Variants in CDH11 observed in about 807,000 individuals in gnomAD.
The protein encoded by CDH11 is cadherin-11.
A neutral mutation model predicts 67.8 loss-of-function variants in CDH11; 11 were observed. The ratio of observed to expected loss-of-function variants is 0.16; its 90% CI spans 0.10 to 0.27. The LOEUF is 0.27. Ranked by LOEUF, CDH11 falls within the 10% of genes least tolerant of loss-of-function variation. The probability of loss-of-function intolerance (pLI) is 1.00; values close to 1 mark genes in which losing one functional copy is unlikely to be tolerated. For missense variants in CDH11, 847 were observed against 1,031.2 expected, an observed-to-expected ratio of 0.82 and a Z score of 2.45; for synonymous variants, 419 against 400.0, an observed-to-expected ratio of 1.05 and a Z score of -0.57.
intron 5 of CDH11, 101 bp downstream of exon 5, chr16:64,992,814 C>T: frequency 8.4e-7 from 1 of 1,192,700 alleles, no homozygotes; most frequent in Non-Finnish European, 1.2e-6. Context: ...CTCTGTATTC[C>T]TTTTTCATAT....
At chr16:65,057,296 C>G (rs1021770755) in intron 1 of CDH11, among the ~76,000 whole-genome samples, 2 of 152,178 alleles carry the variant, frequency 1.3e-5, no homozygotes, top group African/African-American at 4.8e-5. Flanking sequence ...TTCCTACCTA[C>G]TCTCGGGACT....
intron 2 of CDH11, among the ~76,000 whole-genome samples, chr16:65,014,164 A>T (rs1033259261): frequency 6.6e-6 from 1 of 152,224 alleles, no homozygotes; most frequent in African/African-American, 2.4e-5. Context: ...CTGTCTATTA[A>T]GGAGAAACAA....
At chr16:64,980,977 C>G (rs1402083858) in intron 8 of CDH11, 1 of 152,196 alleles carries the variant, frequency 6.6e-6, no homozygotes, top group African/African-American at 2.4e-5. Flanking sequence ...GATTCAAGCC[C>G]CTTCTCCACC....
At chr16:65,095,191 T>C (rs920751948) in intron 1 of CDH11, among the ~76,000 whole-genome samples, 1 of 152,052 alleles carries the variant, frequency 6.6e-6, no homozygotes, top group Non-Finnish European at 1.5e-5. Flanking sequence ...ATTGTGTCTC[T>C]GAATGAATCA....
intron 11 of CDH11, among the ~76,000 whole-genome samples, chr16:64,958,643 T>G (rs16968237): frequency 1.3e-5 from 2 of 152,028 alleles, no homozygotes; most frequent in African/African-American, 4.8e-5. Context: ...CTAGGTTTCA[T>G]TGAATTTTAT....
In CDH11 at chr16:64,992,086, C is replaced by T. The variant is rs1484363595; in HGVS notation, c.644-151G>A. The stretch of plus-strand genomic sequence containing the variant: ...CATGGTAATTACAACCAAAGGCAGC[C>T]ATACTGAAGCATCATTATGTCTTTT... On this transcript the variant is annotated intron_variant, in intron 5 of 12. Coordinates refer to ENST00000268603, the MANE Select transcript of CDH11 (RefSeq NM_001797.4). The T allele has an allele frequency of 9.7e-6, 5 of 515,820 alleles. No homozygotes were observed. The Admixed American group carries it at 1.3e-4, about 13-fold the overall frequency. 32.0% of individuals were successfully genotyped at this position (515,820 alleles called of 1,614,324 possible). A position where few individuals can be genotyped will look rare whatever the true frequency, so the allele number is the denominator to read the frequency against.
Position 65,045,329 on chromosome 16 carries a change from GTATATATATA to G in CDH11, c.-173+8465_-173+8474del, listed in dbSNP as rs57695452. Among the ~76,000 whole-genome samples the G allele has an allele frequency of 6.6e-3, 417 of 63,280 alleles. 9 individuals carry two copies. Among genetic ancestry groups the G allele is most frequent in the African/African-American group, 0.014 (215 of 15,824 alleles). The allele number at this position is 63,280 out of a possible 152,430, so 41.5% of individuals were successfully genotyped here. A position where few individuals can be genotyped will look rare whatever the true frequency, so the allele number is the denominator to read the frequency against. The stretch of plus-strand genomic sequence containing the variant: ...TTTTAAAAATTTGTTTCCCTCAAAA[GTATATATATA>G]TATATATATATATATATATATATAT... On this transcript the variant is annotated intron_variant, in intron 2 of 12. Transcript: ENST00000268603.
intron 2 of CDH11, among the ~76,000 whole-genome samples, chr16:65,052,246 C>G (rs892678237): frequency 1.3e-5 from 2 of 152,046 alleles, no homozygotes; most frequent in Non-Finnish European, 2.9e-5. Flanking sequence ...ACAGTGGTCC[C>G]AAATAAGTCC....
chr16:64,955,755 G>GA (rs202157568), intron 11 of CDH11, among the ~76,000 whole-genome samples: 1,552 of 151,114 alleles, frequency 0.01, 24 homozygotes, highest in African/African-American at 0.035. Context: ...TAAAAAGAAG[G>GA]AAAAAAAATA....
intron 11 of CDH11, among the ~76,000 whole-genome samples, chr16:64,963,521 A>C (rs2071728539): frequency 6.6e-6 from 1 of 152,204 alleles, no homozygotes; most frequent in Non-Finnish European, 1.5e-5. Context: ...AGAAAGAAAC[A>C]GAAGAACTAT....
At chr16:65,004,058 T>C (rs1188462332) in intron 3 of CDH11, among the ~76,000 whole-genome samples, 2 of 152,188 alleles carry the variant, frequency 1.3e-5, no homozygotes, top group Non-Finnish European at 2.9e-5. Flanking sequence ...TAATGGGCTA[T>C]TATGCAGCCA....
chr16:65,058,671 A>AT lies in CDH11; in HGVS notation c.-297-4744dup, dbSNP rs149570107. Among the ~76,000 whole-genome samples the AT allele has an allele frequency of 6.6e-3, 1,006 of 152,142 alleles. 13 individuals are homozygous for AT. Among genetic ancestry groups the AT allele is most frequent in the African/African-American group, 0.022 (931 of 41,492 alleles). ...TCGTAAGCTAGGATTGTAGATCATGATTTTTTTTGTAAAAAATTGGGAGAA... is the reference window on the plus strand; with the variant it reads ...TCGTAAGCTAGGATTGTAGATCATGATTTTTTTTTGTAAAAAATTGGGAGAA... On this transcript the variant is annotated intron_variant, in intron 1 of 12. Transcript: ENST00000268603.
At chr16:64,988,596 T>G (rs1386284964) in intron 6 of CDH11, among the ~76,000 whole-genome samples, 1 of 152,114 alleles carries the variant, frequency 6.6e-6, no homozygotes, top group Non-Finnish European at 1.5e-5. Context: ...CTGCCACATG[T>G]AAGGGAGAAA....
At chr16:65,018,013 T>C (rs1262316110) in intron 2 of CDH11, among the ~76,000 whole-genome samples, 5 of 152,226 alleles carry the variant, frequency 3.3e-5, no homozygotes, top group Non-Finnish European at 7.3e-5. Context: ...GAAAGAATAA[T>C]TATTTGCCAT....
intron 7 of CDH11, chr16:64,982,516 C>G: frequency 1.8e-6 from 1 of 543,624 alleles, no homozygotes; most frequent in South Asian, 2.6e-5. Flanking sequence ...AAGAGCACAA[C>G]AGACACAGAA....
chr16:64,969,941 T>C (rs1373478324), intron 11 of CDH11, among the ~76,000 whole-genome samples: 1 of 152,178 alleles, frequency 6.6e-6, no homozygotes, highest in Non-Finnish European at 1.5e-5. Context: ...AATTATCTCT[T>C]TCAGAGACTT....
At chr16:65,086,693 A>G (rs987021235) in intron 1 of CDH11, among the ~76,000 whole-genome samples, 1 of 152,220 alleles carries the variant, frequency 6.6e-6, no homozygotes, top group Non-Finnish European at 1.5e-5. Context: ...CCCCAGTTAC[A>G]GAAGGCCAGG....
intron 6 of CDH11, 33 bp from the exon 7 acceptor site, chr16:64,988,377 C>T: frequency 6.4e-7 from 1 of 1,553,874 alleles, no homozygotes; most frequent in Non-Finnish European, 8.7e-7. Context: ...TTTATTTTCT[C>T]TTTTATTTGG....
chr16:64,971,246 T>A (rs117223750), intron 11 of CDH11, among the ~76,000 whole-genome samples: 3 of 152,296 alleles, frequency 2.0e-5, no homozygotes, highest in Non-Finnish European at 2.9e-5. Context: ...GATATCAATA[T>A]TCATAAAGCT....
Sources: allele counts gnomAD v4.1 joint callset (sites outside exome capture counted in the v4.1 genomes callset), GRCh38; gene constraint gnomAD v4.1.1; transcripts MANE v1.5; gene names NCBI Gene and HGNC (gene_info 2026-07-23, HGNC 2026-07-21).